The following DAGLB variants were observed in gnomAD, a reference collection of about 807,000 sequenced individuals.
The protein encoded by DAGLB is diacylglycerol lipase-beta.
In DAGLB, 66 loss-of-function variants were observed where a neutral mutation model predicts 72.1. The observed-to-expected ratio is 0.92, with a 90% CI of 0.75 to 1.12. DAGLB has a LOEUF of 1.12. Ranked by LOEUF, DAGLB falls within the 50% of genes most tolerant of loss-of-function variation. DAGLB has a pLI of 0.00. For synonymous variants in DAGLB, 414 were observed against 359.5 expected, an observed-to-expected ratio of 1.15 and a Z score of -1.71; for missense variants, 1,065 against 884.9, an observed-to-expected ratio of 1.20 and a Z score of -2.58.
intron 6 of DAGLB, 151 bp downstream of exon 6, chr7:6,430,329 G>A (rs962268347): frequency 1.6e-5 from 12 of 757,168 alleles, no homozygotes; most frequent in Admixed American, 4.6e-5. Flanking sequence ...GAGATACAGC[G>A]CATGTGACCA....
intron 2 of DAGLB, among the ~76,000 whole-genome samples, chr7:6,442,890 T>C (rs1339838183): frequency 6.6e-6 from 1 of 151,708 alleles, no homozygotes; most frequent in Non-Finnish European, 1.5e-5. Context: ...TTGTCTCTAC[T>C]AGACCAGGTG....
Position 6,426,002 on chromosome 7 carries a change from T to C in DAGLB, c.1042A>G (p.Ser348Gly). 6.2e-7 allele frequency: 1 copy of C among 1,614,172 alleles called. No individual in the cohort carries two copies. Among genetic ancestry groups the C allele is most frequent in the Non-Finnish European group, 8.5e-7 (1 of 1,180,010 alleles). Reference protein sequence around the residue: ...GLQYRDFIHVSFHDKVYELPF... With the variant: ...GLQYRDFIHVGFHDKVYELPF... Reference sequence around the variant, plus strand: ...AGCGTCCACACCTTGTCATGGAAGCTGACGTGGATGAAGTCCCTGTACTGC... The same window carrying C: ...AGCGTCCACACCTTGTCATGGAAGCCGACGTGGATGAAGTCCCTGTACTGC... Residue 348 changes from serine to glycine, a missense_variant, in exon 7 of 15, where the codon AGC becomes GGC. Physicochemically the swap from Ser to Gly is moderately conservative, Grantham distance 56. Transcript: ENST00000297056.
intron 3 of DAGLB, among the ~76,000 whole-genome samples, chr7:6,435,272 G>A (rs1784617108): frequency 6.6e-6 from 1 of 152,172 alleles, no homozygotes; most frequent in Non-Finnish European, 1.5e-5. Context: ...CAGATCACGA[G>A]GTCAGGAGAT....
At chr7:6,427,173 G>A (rs1005593875) in intron 6 of DAGLB, among the ~76,000 whole-genome samples, 8 of 152,056 alleles carry the variant, frequency 5.3e-5, no homozygotes, top group South Asian at 4.1e-4. Context: ...CAAACACATC[G>A]CAAACTGTAC....
At chr7:6,424,942 CAG>C in intron 7 of DAGLB, 107 bp from the exon 8 acceptor site, 1 of 1,108,828 alleles carries the variant, frequency 9.0e-7, no homozygotes, top group Non-Finnish European at 1.4e-6. Context: ...TCCTGCGGCA[CAG>C]AGAGGAGGGG....
intron 1 of DAGLB, 47 bp downstream of exon 1, chr7:6,447,701 G>C (rs1271461789): frequency 3.8e-6 from 6 of 1,585,116 alleles, no homozygotes; most frequent in Non-Finnish European, 5.1e-6. Flanking sequence ...CTCGCCCCCC[G>C]CTCCCTCTCC....
chr7:6,447,920 C>T lies in DAGLB; in HGVS notation c.-78G>A. 1 of 1,477,378 alleles carries T rather than the reference C, an allele frequency of 6.8e-7. No homozygotes were observed. Among genetic ancestry groups the T allele is most frequent in the Non-Finnish European group, 9.0e-7 (1 of 1,116,292 alleles). 91.5% of individuals were successfully genotyped at this position (1,477,378 alleles called of 1,614,324 possible). A position where few individuals can be genotyped will look rare whatever the true frequency, so the allele number is the denominator to read the frequency against. On this transcript the variant is annotated 5_prime_UTR_variant, in exon 1 of 15. Transcript: ENST00000297056. The stretch of plus-strand genomic sequence containing the variant: ...AGAACAAACCAGCACCCTCCGGACG[C>T]CGCCACCAAATTATCGGCGCTCAAG...
intron 7 of DAGLB, 125 bp downstream of exon 7, chr7:6,425,863 C>G: frequency 2.7e-6 from 4 of 1,478,156 alleles, no homozygotes; most frequent in Non-Finnish European, 3.6e-6. Context: ...AAATAGTACA[C>G]AGGACTTAGA....
intron 2 of DAGLB, among the ~76,000 whole-genome samples, chr7:6,444,539 C>G (rs1784935739): frequency 6.6e-6 from 1 of 152,008 alleles, no homozygotes; most frequent in South Asian, 2.1e-4. Flanking sequence ...GAGACGGAGG[C>G]TGCAGTGAGC....
intron 8 of DAGLB, chr7:6,422,180 G>A (rs1296598955): frequency 2.5e-5 from 9 of 361,728 alleles, no homozygotes; most frequent in Non-Finnish European, 3.8e-5. Context: ...CCGTGGAGAG[G>A]AGGAGGCCTA....
intron 2 of DAGLB, among the ~76,000 whole-genome samples, chr7:6,440,517 T>TG (rs1784795820): frequency 6.6e-6 from 1 of 151,752 alleles, no homozygotes. Context: ...CAGAGAGGAG[T>TG]ATCAGCCAAA....
chr7:6,424,286 C>T (rs1451334568), intron 8 of DAGLB, among the ~76,000 whole-genome samples: 1 of 152,202 alleles, frequency 6.6e-6, no homozygotes, highest in East Asian at 1.9e-4. Flanking sequence ...GCAGTCCTGA[C>T]CTCACCTGGA....
At chr7:6,430,996 G>A (rs1257905473) in intron 5 of DAGLB, among the ~76,000 whole-genome samples, 2 of 152,014 alleles carry the variant, frequency 1.3e-5, no homozygotes, top group Non-Finnish European at 2.9e-5. Context: ...GGCTGGTCTC[G>A]AACTCCCGAC....
rs1055428 is a variant in DAGLB at position 6,416,716 on chromosome 7, G to T, written c.1338C>A (p.Gly446=). The stretch of plus-strand genomic sequence containing the variant: ...TGGTGGCCAGCAGGGCGGCCGCCCC[G>T]CCCCCGAGGCTGTGGCCCACTATGA... ...RLVIVGHSLG[G]GAAALLATML... The change falls in exon 11 of 15, where the codon GGC becomes GGA. Residue 446 remains glycine (G), a synonymous_variant. Coordinates refer to ENST00000297056, the MANE Select transcript of DAGLB (RefSeq NM_139179.4). The T allele has an allele frequency of 0.21, 339,272 of 1,613,172 alleles. 38,035 individuals carry two copies. The highest frequency in any genetic ancestry group is 0.23 in the Non-Finnish European group (273,413 of 1,179,548).
At chr7:6,425,870 T>C (rs1368621826) in intron 7 of DAGLB, 118 bp downstream of exon 7, 2 of 1,512,578 alleles carry the variant, frequency 1.3e-6, no homozygotes, top group African/African-American at 1.4e-5. Context: ...ACACAGGACT[T>C]AGAAGTGTGT....
chr7:6,421,978 T>C, intron 8 of DAGLB, 174 bp from the exon 9 acceptor site: 1 of 741,426 alleles, frequency 1.3e-6, no homozygotes. Flanking sequence ...CGGTGGCTCC[T>C]GAGGGCCCTG....
chr7:6,425,853 A>C, intron 7 of DAGLB, 135 bp downstream of exon 7: 4 of 1,427,652 alleles, frequency 2.8e-6, no homozygotes, highest in Non-Finnish European at 3.7e-6. Flanking sequence ...GGCCCCTCTG[A>C]AATAGTACAC....
chr7:6,419,081 CTTTT>C (rs1199596102), intron 9 of DAGLB, among the ~76,000 whole-genome samples: 13 of 128,180 alleles, frequency 1.0e-4, no homozygotes, highest in Non-Finnish European at 1.6e-4. Context: ...ATGGCACTTC[CTTTT>C]TTTTTTTTTT....
chr7:6,445,049 A>G (rs1167209909), intron 2 of DAGLB, among the ~76,000 whole-genome samples: 2 of 152,224 alleles, frequency 1.3e-5, no homozygotes, highest in African/African-American at 4.8e-5. Flanking sequence ...GTAAAATGGT[A>G]CAGCTGCTTG....
Sources: allele counts gnomAD v4.1 joint callset (sites outside exome capture counted in the v4.1 genomes callset), GRCh38; gene constraint gnomAD v4.1.1; transcripts MANE v1.5; gene names NCBI Gene and HGNC (gene_info 2026-07-23, HGNC 2026-07-21).